Variants in BTG2 observed in about 807,000 individuals in gnomAD.
The protein encoded by BTG2 is BTG anti-proliferation factor 2.
In BTG2, 9 loss-of-function variants were observed where a neutral mutation model predicts 13.1. The ratio of observed to expected loss-of-function variants is 0.69; its 90% CI spans 0.41 to 1.20. The LOEUF is 1.20. Ranked by LOEUF, BTG2 falls within the 50% of genes most tolerant of loss-of-function variation. The pLI is 0.00. For synonymous variants in BTG2, 92 were observed against 88.6 expected (o/e 1.04, Z -0.21); for missense variants, 200 against 209.5 (o/e 0.95, Z 0.28).
chr1:203,306,081 T>A (rs148212481), intron 1 of BTG2, among the ~76,000 whole-genome samples: 2 of 152,158 alleles, frequency 1.3e-5, no homozygotes, highest in Admixed American at 6.5e-5. Context: ...CTCGAGATCT[T>A]AAGACCCTCG....
Position 203,308,363 on chromosome 1 carries a change from T to C in BTG2, c.*925T>C, listed in dbSNP as rs1436437516. ...TCCCTTTGAGAGGTGGCTCAAAAGC[T>C]ACAGGGAACTCCAGGTCCTTTATTA... On this transcript the variant is annotated 3_prime_UTR_variant, in exon 2 of 2. Transcript: ENST00000290551. 1 of 152,694 alleles carries C rather than the reference T, an allele frequency of 6.5e-6. No homozygotes were observed. The highest frequency in any genetic ancestry group is 1.5e-5 in the Non-Finnish European group (1 of 68,064). The allele number at this position is 152,694 out of a possible 1,614,324, so 9.5% of individuals were successfully genotyped here. A position where few individuals can be genotyped will look rare whatever the true frequency, so the allele number is the denominator to read the frequency against.
At chr1:203,305,952 G>A (rs536133253) in intron 1 of BTG2, among the ~76,000 whole-genome samples, 7 of 152,222 alleles carry the variant, frequency 4.6e-5, no homozygotes, top group South Asian at 2.1e-4. Flanking sequence ...GGCCGTGGCG[G>A]TTCTGATGGG....
In BTG2 at chr1:203,307,107, A is replaced by G; in HGVS notation, c.146A>G (p.His49Arg). The G allele has an allele frequency of 6.2e-7, 1 of 1,613,714 alleles. No individual in the cohort carries two copies. Among genetic ancestry groups the G allele is most frequent in the Non-Finnish European group, 8.5e-7 (1 of 1,179,772 alleles). ...SGALQEALTEHYKHHWFPEKP... is the reference protein window; with the variant it reads ...SGALQEALTERYKHHWFPEKP... ...GCCCCTGGTCCTGTCTCCACAGAGC[A>G]CTACAAACACCACTGGTTTCCCGAA... The change falls in exon 2 of 2, where the codon CAC (histidine) becomes CGC (arginine). Residue 49 changes from histidine to arginine, a missense_variant. Physicochemically the swap from His to Arg is conservative, Grantham distance 29. Transcript: ENST00000290551.
intron 1 of BTG2, among the ~76,000 whole-genome samples, chr1:203,305,998 G>T (rs552728872): frequency 6.6e-6 from 1 of 152,282 alleles, no homozygotes; most frequent in African/African-American, 2.4e-5. Flanking sequence ...CGCAGACCCT[G>T]GTCCTGGAGT....
intron 1 of BTG2, among the ~76,000 whole-genome samples, chr1:203,306,503 A>G (rs1658277677): frequency 6.6e-6 from 1 of 152,084 alleles, no homozygotes; most frequent in Non-Finnish European, 1.5e-5. Context: ...CTTCTGAGGA[A>G]AACAGATGTT....
At chr1:203,305,932 C>T (rs998525532) in intron 1 of BTG2, among the ~76,000 whole-genome samples, 184 bp downstream of exon 1, 1 of 152,276 alleles carries the variant, frequency 6.6e-6, no homozygotes, top group Admixed American at 6.5e-5. Context: ...CAGCCCTGTG[C>T]TCGGGTCTCG....
intron 1 of BTG2, among the ~76,000 whole-genome samples, chr1:203,306,280 T>C (rs1658270223): frequency 6.6e-6 from 1 of 152,274 alleles, no homozygotes; most frequent in African/African-American, 2.4e-5. Context: ...TTGTGTTATC[T>C]TTGGTTCCCC....
At chr1:203,305,846 G>A (rs1057356106) in intron 1 of BTG2, 98 bp downstream of exon 1, 2 of 1,466,486 alleles carry the variant, frequency 1.4e-6, no homozygotes, top group Non-Finnish European at 1.8e-6. Flanking sequence ...ACCCACGGGA[G>A]CAGCTTTGGG....
In BTG2 at chr1:203,308,169, T is replaced by G. The variant is rs1658317610; in HGVS notation, c.*731T>G. The G allele has an allele frequency of 6.6e-6, 1 of 152,596 alleles. No individual in the cohort carries two copies. The highest frequency in any genetic ancestry group is 2.4e-5 in the African/African-American group (1 of 41,418). 9.5% of individuals were successfully genotyped at this position (152,596 alleles called of 1,614,324 possible). On this transcript the variant is annotated 3_prime_UTR_variant, in exon 2 of 2. Transcript: ENST00000290551. Reference sequence around the variant, plus strand: ...TTGGGGTTAGGATGGAAGGGAACTCTGCACAAAACCTTTGCTTTGCTAGTG... The same window carrying G: ...TTGGGGTTAGGATGGAAGGGAACTCGGCACAAAACCTTTGCTTTGCTAGTG...
rs1057478532 is a variant in BTG2, at chr1:203,305,660, C to T, written c.54C>T (p.Gly18=). The T allele has an allele frequency of 2.5e-6, 4 of 1,579,668 alleles. No homozygotes were observed. The African/African-American group carries it at 5.4e-5, about 21-fold the overall frequency. ...DMLPEIAAAV[G]FLSSLLRTRG... ...TCCCGGAGATCGCCGCCGCCGTGGG[C>T]TTCCTCTCCAGCCTCCTGAGGACCC... Residue 18 remains glycine, a synonymous_variant, in exon 1 of 2, where the codon GGC becomes GGT. Transcript: ENST00000290551.
Position 203,309,561 on chromosome 1 carries a change from G to A in BTG2, c.*2123G>A, listed in dbSNP as rs956894363. ...AAGAATGTACAGCTTATGGACAAATGTACACCTTTTTGTTACTTTAATAAA... is the reference window on the plus strand; with the variant it reads ...AAGAATGTACAGCTTATGGACAAATATACACCTTTTTGTTACTTTAATAAA... On this transcript the variant is annotated 3_prime_UTR_variant, in exon 2 of 2. Coordinates refer to ENST00000290551, the MANE Select transcript of BTG2 (RefSeq NM_006763.3). 1.4e-4 allele frequency: 22 copies of A among 152,632 alleles called. No individual in the cohort carries two copies. The highest frequency in any genetic ancestry group is 5.3e-4 in the African/African-American group (22 of 41,448). The allele number at this position is 152,632 out of a possible 1,614,324, so 9.5% of individuals were successfully genotyped here.
intron 1 of BTG2, among the ~76,000 whole-genome samples, chr1:203,306,494 T>C (rs1658277453): frequency 1.3e-5 from 2 of 152,254 alleles, no homozygotes; most frequent in Admixed American, 6.5e-5. Context: ...AGACCCTGCC[T>C]TCTGAGGAAA....
intron 1 of BTG2, 92 bp downstream of exon 1, chr1:203,305,840 A>C (rs938953943): frequency 6.8e-7 from 1 of 1,469,808 alleles, no homozygotes. Flanking sequence ...AGGGTGACCC[A>C]CGGGAGCAGC....
chr1:203,305,880 C>A (rs1444220158), intron 1 of BTG2, 132 bp downstream of exon 1: 3 of 1,262,634 alleles, frequency 2.4e-6, no homozygotes, highest in Non-Finnish European at 2.1e-6. Flanking sequence ...CCTCCGACCC[C>A]CGGGGCGGCC....
In BTG2 at chr1:203,307,438, G is replaced by T; in HGVS notation, c.477G>T (p.Ter159TyrextTer42). The T allele has an allele frequency of 6.3e-7, 1 of 1,574,966 alleles. No individual in the cohort carries two copies. ...SKNYVMAVSS[*>Y] is the part of the protein sequence containing the mutation. ...ACTACGTGATGGCAGTCTCCAGCTA[G>T]GCCCTTCCGCCCCCGCCCTGGGCGC... The change falls in exon 2 of 2, where the codon TAG becomes TAT. Residue 159 changes from the stop codon to tyrosine (Y), a stop_lost. Transcript: ENST00000290551.
rs1185214618 is a variant in BTG2, at chr1:203,309,468, GTATGTTTGTAAGC to G, written c.*2034_*2046del. The G allele has an allele frequency of 6.6e-6, 1 of 152,638 alleles. No individual in the cohort carries two copies. Among genetic ancestry groups the G allele is most frequent in the Non-Finnish European group, 1.5e-5 (1 of 68,046 alleles). 9.5% of individuals were successfully genotyped at this position (152,638 alleles called of 1,614,324 possible). A position where few individuals can be genotyped will look rare whatever the true frequency, so the allele number is the denominator to read the frequency against. On this transcript the variant is annotated 3_prime_UTR_variant, in exon 2 of 2. Transcript: ENST00000290551. ...TATTAAGTAAAAATAAATAGTAGTA[GTATGTTTGTAAGC>G]TATTCTGACAGAAAAGACAAAGGTT...
Position 203,307,429 on chromosome 1 carries a change from C to A in BTG2, c.468C>A (p.Val156=). 4 of 1,587,496 alleles carry A rather than the reference C, an allele frequency of 2.5e-6. No homozygotes were observed. Among genetic ancestry groups the A allele is most frequent in the Non-Finnish European group, 3.4e-6 (4 of 1,162,504 alleles). ...CCTCCAAGAACTACGTGATGGCAGT[C>A]TCCAGCTAGGCCCTTCCGCCCCCGC... ...SSPSKNYVMA[V]SS is the part of the protein sequence containing the mutation. The change falls in exon 2 of 2, where the codon GTC becomes GTA. Residue 156 remains valine, a synonymous_variant. Transcript: ENST00000290551.
chr1:203,307,076 G>T (rs759818691), intron 1 of BTG2, 28 bp from the exon 2 acceptor site: 2 of 1,597,696 alleles, frequency 1.3e-6, no homozygotes, highest in Non-Finnish European at 1.7e-6. Context: ...TCTAACCAGG[G>T]CATCTGCCCC....
intron 1 of BTG2, among the ~76,000 whole-genome samples, chr1:203,306,740 C>T (rs1341543161): frequency 6.6e-6 from 1 of 151,556 alleles, no homozygotes; most frequent in Non-Finnish European, 1.5e-5. Context: ...GGGGGTGTGC[C>T]AAAAGCAATA....
Sources: gnomAD v4.1 joint callset for allele counts (sites outside exome capture counted in the v4.1 genomes callset) on GRCh38, gnomAD v4.1.1 for gene constraint, MANE v1.5 for transcripts, NCBI Gene and HGNC (gene_info 2026-07-23, HGNC 2026-07-21) for gene names.